The following XKR4 variants were observed in gnomAD, a reference collection of about 807,000 sequenced individuals.
XKR4 encodes XK related 4, also known as XK-related protein 4.
In XKR4, 12 loss-of-function variants were observed where a neutral mutation model predicts 53.9. The observed-to-expected ratio is 0.22, with a 90% CI of 0.14 to 0.36. The LOEUF is 0.36. XKR4 is among the 10% of genes least tolerant of loss of function. The pLI is 1.00. For synonymous variants in XKR4, 354 were observed against 362.4 expected (o/e 0.98, Z 0.26); for missense variants, 799 against 859.5 (o/e 0.93, Z 0.88).
At chr8:55,203,546 C>T (rs534526648) in intron 1 of XKR4, among the ~76,000 whole-genome samples, 2 of 152,234 alleles carry the variant, frequency 1.3e-5, no homozygotes, top group South Asian at 2.1e-4. Context: ...CCTGTGTGTA[C>T]GATAAGCTTC....
chr8:55,110,578 C>G lies in XKR4; in HGVS notation c.806+7284C>G, dbSNP rs535843489. Among the ~76,000 whole-genome samples the G allele has an allele frequency of 5.3e-5, 8 of 152,172 alleles. No individual in the cohort carries two copies. The South Asian group carries it at 1.0e-3, about 20-fold the overall frequency. On this transcript the variant is annotated intron_variant, in intron 1 of 2. Transcript: ENST00000327381. ...ATCTGGGAAGGATAGGAAAAATTAC[C>G]CCAGCTCTTTTTTTAGATTACTAGT...
At chr8:55,517,656 A>T (rs1312575708) in intron 2 of XKR4, 1 of 152,344 alleles carries the variant, frequency 6.6e-6, no homozygotes, top group African/African-American at 2.4e-5. Flanking sequence ...GAGAGATGGC[A>T]GTGTGGCTGG....
At chr8:55,396,289 G>A (rs1024263624) in intron 2 of XKR4, among the ~76,000 whole-genome samples, 5 of 151,956 alleles carry the variant, frequency 3.3e-5, no homozygotes, top group African/African-American at 9.7e-5. Flanking sequence ...CAGTGGCAAA[G>A]CTCTGCCTTA....
Position 55,462,707 on chromosome 8 carries a change from G to A in XKR4, c.1007-60574G>A, listed in dbSNP as rs547366471. 2.9e-3 allele frequency among the ~76,000 whole-genome samples: 446 copies of A among 152,090 alleles called. 1 individual carries two copies. Among genetic ancestry groups the A allele is most frequent in the Admixed American group, 4.4e-3 (67 of 15,276 alleles). ...ATTGGGTAAAGAGTCAAGACCCATCGGTGTGCTGTATTCAGGAAACCCATC... is the reference window on the plus strand; with the variant it reads ...ATTGGGTAAAGAGTCAAGACCCATCAGTGTGCTGTATTCAGGAAACCCATC... On this transcript the variant is annotated intron_variant, in intron 2 of 2. Coordinates refer to ENST00000327381, the MANE Select transcript of XKR4 (RefSeq NM_052898.2).
intron 1 of XKR4, among the ~76,000 whole-genome samples, chr8:55,356,446 T>C (rs1803797648): frequency 6.6e-6 from 1 of 152,186 alleles, no homozygotes; most frequent in African/African-American, 2.4e-5. Flanking sequence ...CATGGAAGGA[T>C]AATCCATGTT....
At chr8:55,439,190 A>G (rs1284860302) in intron 2 of XKR4, among the ~76,000 whole-genome samples, 2 of 152,240 alleles carry the variant, frequency 1.3e-5, no homozygotes, top group Non-Finnish European at 2.9e-5. Context: ...CAAGCTAAAA[A>G]AGTAATTGAA....
rs899610876 is a variant in XKR4 at position 55,454,022 on chromosome 8, T to C, written c.1007-69259T>C. On this transcript the variant is annotated intron_variant, in intron 2 of 2. Coordinates refer to ENST00000327381, the MANE Select transcript of XKR4 (RefSeq NM_052898.2). ...AGGCTCCGGGTGAATGCACACGACG[T>C]GCAGGCACCAGAGATAGCCCTGCAG... 1.6e-5 allele frequency: 14 copies of C among 894,374 alleles called. No homozygotes were observed. The African/African-American group carries it at 2.1e-4, about 13-fold the overall frequency. The allele number at this position is 894,374 out of a possible 1,614,324, so 55.4% of individuals were successfully genotyped here. A position where few individuals can be genotyped will look rare whatever the true frequency, so the allele number is the denominator to read the frequency against.
At chr8:55,180,099 T>A (rs1180307564) in intron 1 of XKR4, among the ~76,000 whole-genome samples, 1 of 152,240 alleles carries the variant, frequency 6.6e-6, no homozygotes, top group Non-Finnish European at 1.5e-5. Context: ...CCCTTCTATT[T>A]GAATTAAATA....
chr8:55,171,475 A>T (rs1297559068), intron 1 of XKR4, among the ~76,000 whole-genome samples: 1 of 152,120 alleles, frequency 6.6e-6, no homozygotes, highest in Non-Finnish European at 1.5e-5. Flanking sequence ...AGGTCTTCAT[A>T]CGTCTCCGTG....
Position 55,524,118 on chromosome 8 carries a change from G to A in XKR4, c.1844G>A (p.Ser615Asn), listed in dbSNP as rs1277550446. The stretch of plus-strand genomic sequence containing the variant: ...TGGGAGAGACATGTTTTGGACCGAA[G>A]CCTCCGAAAGGCTATTTTAGCTTTT... ...PAWERHVLDR[S>N]LRKAILAFEC... The change falls in exon 3 of 3, where the codon AGC becomes AAC. Residue 615 changes from serine to asparagine, a missense_variant. Transcript: ENST00000327381. 1 of 1,614,214 alleles carries A rather than the reference G, an allele frequency of 6.2e-7. No individual in the cohort carries two copies. Among genetic ancestry groups the A allele is most frequent in the African/African-American group, 1.3e-5 (1 of 75,060 alleles).
At chr8:55,297,994 AC>A (rs1274052373) in intron 1 of XKR4, among the ~76,000 whole-genome samples, 1 of 152,202 alleles carries the variant, frequency 6.6e-6, no homozygotes, top group African/African-American at 2.4e-5. Context: ...CTTTGTATAT[AC>A]TCAGAATTTT....
At chr8:55,161,052 C>T (rs1454646971) in intron 1 of XKR4, among the ~76,000 whole-genome samples, 1 of 152,126 alleles carries the variant, frequency 6.6e-6, no homozygotes, top group African/African-American at 2.4e-5. Context: ...CAAATCAGAC[C>T]TGTGTTCTGA....
chr8:55,254,582 G>A (rs530547488), intron 1 of XKR4, among the ~76,000 whole-genome samples: 19 of 152,236 alleles, frequency 1.2e-4, no homozygotes, highest in South Asian at 2.1e-4. Flanking sequence ...AGGAAGCGTC[G>A]ATCTCAGAAC....
chr8:55,158,021 G>C (rs1816933069), intron 1 of XKR4, among the ~76,000 whole-genome samples: 1 of 152,190 alleles, frequency 6.6e-6, no homozygotes, highest in Non-Finnish European at 1.5e-5. Context: ...ATATTCCTTT[G>C]AAAATATACC....
At chr8:55,178,528 C>G (rs549647437) in intron 1 of XKR4, among the ~76,000 whole-genome samples, 1 of 152,170 alleles carries the variant, frequency 6.6e-6, no homozygotes, top group Non-Finnish European at 1.5e-5. Context: ...CTGACCCCAC[C>G]CAGCAGAGGG....
At chr8:55,264,115 C>A (rs1818567575) in intron 1 of XKR4, among the ~76,000 whole-genome samples, 2 of 152,150 alleles carry the variant, frequency 1.3e-5, no homozygotes, top group Admixed American at 6.5e-5. Context: ...CTAGAATATG[C>A]TGGGCATGGT....
At chr8:55,328,067 T>TG (rs540507768) in intron 1 of XKR4, among the ~76,000 whole-genome samples, 223 of 152,240 alleles carry the variant, frequency 1.5e-3, no homozygotes, top group African/African-American at 5.1e-3. Flanking sequence ...AGAGGGGAAA[T>TG]GCCAGATGCT....
intron 2 of XKR4, among the ~76,000 whole-genome samples, chr8:55,467,423 A>C (rs1356609196): frequency 6.6e-6 from 1 of 152,146 alleles, no homozygotes; most frequent in Non-Finnish European, 1.5e-5. Flanking sequence ...CAGGAGTGCT[A>C]TCCCTTCATA....
At chr8:55,244,649 C>T (rs1397836499) in intron 1 of XKR4, among the ~76,000 whole-genome samples, 1 of 152,130 alleles carries the variant, frequency 6.6e-6, no homozygotes, top group Non-Finnish European at 1.5e-5. Context: ...ACACTGCTTT[C>T]CATAATGGCA....
Sources: allele counts gnomAD v4.1 joint callset (sites outside exome capture counted in the v4.1 genomes callset), GRCh38; gene constraint gnomAD v4.1.1; transcripts MANE v1.5; gene names NCBI Gene and HGNC (gene_info 2026-07-23, HGNC 2026-07-21).